CELF2: variants seen among roughly 807,000 people sequenced by gnomAD.
CELF2 encodes the protein CUG triplet repeat RNA-binding protein 2.
In CELF2, 8 loss-of-function variants were observed where a neutral mutation model predicts 62.6. The ratio of observed to expected loss-of-function variants is 0.13; its 90% CI spans 0.07 to 0.23. CELF2 has a LOEUF of 0.23. Ranked by LOEUF, CELF2 falls within the 10% of genes least tolerant of loss-of-function variation. The pLI is 1.00. For synonymous variants in CELF2, 258 were observed against 250.0 expected (o/e 1.03, Z -0.30); for missense variants, 333 against 671.0 (o/e 0.50, Z 5.56).
intron 2 of CELF2, among the ~76,000 whole-genome samples, chr10:11,187,942 T>C (rs1282146455): frequency 6.6e-6 from 1 of 152,194 alleles, no homozygotes; most frequent in Non-Finnish European, 1.5e-5. Flanking sequence ...GCTCCGTTCC[T>C]TTGTGTAGAT....
At chr10:10,881,497 A>T (rs1421865859) in intron 1 of CELF2, among the ~76,000 whole-genome samples, 1 of 152,186 alleles carries the variant, frequency 6.6e-6, no homozygotes, top group Non-Finnish European at 1.5e-5. Context: ...CTCTCCAAAG[A>T]TTTGTAGCAT....
the CELF2 span, among the ~76,000 whole-genome samples, chr10:10,481,312 A>C: frequency 3.3e-5 from 5 of 152,100 alleles, no homozygotes; most frequent in Non-Finnish European, 2.9e-5. Context: ...TCCACTTCAA[A>C]ATTTGTTCCA....
the CELF2 span, among the ~76,000 whole-genome samples, chr10:10,532,097 G>T: frequency 2.0e-5 from 3 of 152,242 alleles, no homozygotes; most frequent in East Asian, 1.9e-4. Context: ...TGTGGTGAAA[G>T]GTACTCAAGT....
chr10:10,867,532 T>TA (rs1284602336), intron 1 of CELF2, among the ~76,000 whole-genome samples: 2 of 152,232 alleles, frequency 1.3e-5, no homozygotes, highest in Non-Finnish European at 2.9e-5. Flanking sequence ...TTCATATCGC[T>TA]AATCTTATTG....
At chr10:10,965,320 A>C (rs1390907445) in intron 2 of CELF2, among the ~76,000 whole-genome samples, 1 of 152,206 alleles carries the variant, frequency 6.6e-6, no homozygotes, top group African/African-American at 2.4e-5. Context: ...TCTTAAAGAC[A>C]AAATTCATTC....
At position 11,144,900 on chromosome 10, in the gene CELF2, GAAAAAAAA is replaced by G. The variant is rs397846995; in HGVS notation, c.75-20570_75-20563del. On this transcript the variant is annotated intron_variant, in intron 1 of 12. Transcript: ENST00000633077. ...GAGGGAGACCCTGTCTCAGGAAACA[GAAAAAAAA>G]AAAAAAAAAAAAAAAGGCACCCCTC... Among the ~76,000 whole-genome samples the G allele has an allele frequency of 9.4e-5, 7 of 74,102 alleles. 1 individual carries two copies. The South Asian group carries it at 2.4e-3, about 25-fold the overall frequency. The allele number at this position is 74,102 out of a possible 152,430, so 48.6% of individuals were successfully genotyped here.
chr10:10,758,983 C>T, the CELF2 span, among the ~76,000 whole-genome samples: 32 of 152,172 alleles, frequency 2.1e-4, no homozygotes, highest in African/African-American at 7.5e-4. Context: ...TCCTAATTGT[C>T]AGAGAGTCCT....
rs543451058 is a variant in CELF2 at position 10,979,567 on chromosome 10, G to C, written c.89+59568G>C. Among the ~76,000 whole-genome samples, 8 of 151,604 alleles carry C rather than the reference G, an allele frequency of 5.3e-5. No homozygotes were observed. In the South Asian group the frequency reaches 1.7e-3, roughly 32 times the overall value. On this transcript the variant is annotated intron_variant, in intron 2 of 13. Transcript: ENST00000636488. ...ATACCTGTAGTCTCAGCTATGCAGG[G>C]GGCTGAGGTGGGAGGATAGTTTGAG...
intron 1 of CELF2, among the ~76,000 whole-genome samples, chr10:10,833,337 A>G (rs1232455170): frequency 1.3e-5 from 2 of 152,120 alleles, no homozygotes; most frequent in Non-Finnish European, 2.9e-5. Context: ...TGTACCTGGT[A>G]TTTTTCCTTA....
At chr10:11,021,490 T>A (rs2058309817) in intron 1 of CELF2, among the ~76,000 whole-genome samples, 1 of 152,192 alleles carries the variant, frequency 6.6e-6, no homozygotes. Context: ...TCATCAGACC[T>A]CATTTTATAG....
chr10:10,622,701 G>A, the CELF2 span, among the ~76,000 whole-genome samples: 1 of 151,978 alleles, frequency 6.6e-6, no homozygotes, highest in Non-Finnish European at 1.5e-5. Context: ...ATCGACTGGG[G>A]AAAGAACTGA....
the CELF2 span, among the ~76,000 whole-genome samples, chr10:10,656,294 A>C: frequency 1.3e-5 from 2 of 150,738 alleles, no homozygotes; most frequent in Non-Finnish European, 3.0e-5. Context: ...TAGTTCAACC[A>C]TTGTGGAAGT....
the CELF2 span, among the ~76,000 whole-genome samples, chr10:10,784,857 C>T: frequency 1.1e-4 from 17 of 152,266 alleles, no homozygotes; most frequent in Non-Finnish European, 2.1e-4. Context: ...GTCTCCTGTC[C>T]ATATCATCAC....
At chr10:10,803,218 C>T (rs534147096) in intron 1 of CELF2, among the ~76,000 whole-genome samples, 28 of 152,306 alleles carry the variant, frequency 1.8e-4, no homozygotes, top group South Asian at 4.2e-4. Context: ...GCATTACAAA[C>T]GCCATAAATC....
At chr10:10,768,214 G>C in the CELF2 span, among the ~76,000 whole-genome samples, 1 of 151,644 alleles carries the variant, frequency 6.6e-6, no homozygotes, top group South Asian at 2.1e-4. Context: ...CATCCAATTG[G>C]TGAAACATTT....
intron 1 of CELF2, among the ~76,000 whole-genome samples, chr10:11,104,515 C>T (rs541396965): frequency 1.4e-4 from 21 of 152,132 alleles, no homozygotes; most frequent in Middle Eastern, 6.8e-3. Flanking sequence ...ATACCTTGTC[C>T]CTACAAAAAA....
chr10:10,659,851 T>G, the CELF2 span, among the ~76,000 whole-genome samples: 2 of 152,132 alleles, frequency 1.3e-5, no homozygotes, highest in Non-Finnish European at 2.9e-5. Context: ...CTTAGCAGGG[T>G]TGATTAAGGA....
intron 1 of CELF2, among the ~76,000 whole-genome samples, chr10:10,834,383 G>T (rs944484250): frequency 6.6e-6 from 1 of 152,056 alleles, no homozygotes; most frequent in Non-Finnish European, 1.5e-5. Flanking sequence ...CCTGGATGAT[G>T]AAATAATCTG....
chr10:10,613,618 G>A, the CELF2 span, among the ~76,000 whole-genome samples: 18 of 152,110 alleles, frequency 1.2e-4, no homozygotes, highest in African/African-American at 3.1e-4. Flanking sequence ...TTCCCCCTTC[G>A]TTACAATTAA....
Sources: allele counts gnomAD v4.1 joint callset (sites outside exome capture counted in the v4.1 genomes callset), GRCh38; gene constraint gnomAD v4.1.1; transcripts MANE v1.5; gene names NCBI Gene and HGNC (gene_info 2026-07-23, HGNC 2026-07-21).